Variants in SLC1A2 observed in about 807,000 individuals in gnomAD.
SLC1A2 encodes solute carrier family 1 member 2, also known as excitatory amino acid transporter 2.
In SLC1A2, 15 loss-of-function variants were observed where a neutral mutation model predicts 48.8. That is an observed-to-expected ratio of 0.31 (90% CI 0.21 to 0.47). SLC1A2 has a LOEUF of 0.47. Among genes scored for constraint, SLC1A2 ranks in the 20% least tolerant of loss-of-function variants. The pLI is 0.99. For synonymous variants in SLC1A2, 279 were observed against 272.6 expected, an observed-to-expected ratio of 1.02 and a Z score of -0.23; for missense variants, 502 against 730.5, an observed-to-expected ratio of 0.69 and a Z score of 3.61.
At chr11:35,350,070 C>T (rs1853189373) in intron 1 of SLC1A2, among the ~76,000 whole-genome samples, 1 of 152,168 alleles carries the variant, frequency 6.6e-6, no homozygotes, top group Non-Finnish European at 1.5e-5. Context: ...TGTATGAGAT[C>T]ACCCATACAA....
rs1022089386 is a variant in SLC1A2, at chr11:35,258,592, A to T, written c.*2302T>A. The T allele has an allele frequency of 2.0e-5, 3 of 152,602 alleles. No homozygotes were observed. The highest frequency in any genetic ancestry group is 6.5e-5 in the Admixed American group (1 of 15,276). 9.5% of individuals were successfully genotyped at this position (152,602 alleles called of 1,614,324 possible). The stretch of plus-strand genomic sequence containing the variant: ...ACACCACTTAAAGAAAATCCTAAAC[A>T]GTTTCACAGCTAAACCCAGGAACTG... On this transcript the variant is annotated 3_prime_UTR_variant, in exon 11 of 11. Coordinates refer to ENST00000278379, the MANE Select transcript of SLC1A2 (RefSeq NM_004171.4).
intron 1 of SLC1A2, among the ~76,000 whole-genome samples, chr11:35,389,446 C>CCTT (rs890474501): frequency 2.0e-5 from 3 of 149,646 alleles, no homozygotes; most frequent in Non-Finnish European, 4.5e-5. Flanking sequence ...TTCTTCTTCT[C>CCTT]CTTCTCCTTC....
chr11:35,397,805 T>C (rs1365193883), intron 1 of SLC1A2, among the ~76,000 whole-genome samples: 1 of 152,130 alleles, frequency 6.6e-6, no homozygotes, highest in African/African-American at 2.4e-5. Context: ...GGGCACTCAC[T>C]AGACACCAAA....
intron 1 of SLC1A2, among the ~76,000 whole-genome samples, chr11:35,414,402 C>A (rs564036218): frequency 6.6e-6 from 1 of 152,288 alleles, no homozygotes; most frequent in South Asian, 2.1e-4. Flanking sequence ...TTCTATTCTA[C>A]CGACAAATAT....
chr11:35,401,138 G>T lies in SLC1A2; in HGVS notation c.17+17812C>A, dbSNP rs566498001. On this transcript the variant is annotated intron_variant, in intron 1 of 10. Transcript: ENST00000278379. ...AAGATAAGGGGTTGTGGGGACCAAGGTCCTTATTATGCAGATTAAGTCTCC... is the reference window on the plus strand; with the variant it reads ...AAGATAAGGGGTTGTGGGGACCAAGTTCCTTATTATGCAGATTAAGTCTCC... 4.6e-5 allele frequency among the ~76,000 whole-genome samples: 7 copies of T among 152,282 alleles called. No homozygotes were observed. The South Asian group carries it at 1.4e-3, about 32-fold the overall frequency.
At chr11:35,317,727 A>G (rs1034836216) in intron 1 of SLC1A2, among the ~76,000 whole-genome samples, 5 of 152,176 alleles carry the variant, frequency 3.3e-5, no homozygotes, top group African/African-American at 1.2e-4. Flanking sequence ...GGAAAGGAAC[A>G]CCGCATGCAA....
At chr11:35,288,283 AG>A (rs1416134588) in intron 7 of SLC1A2, among the ~76,000 whole-genome samples, 2 of 152,230 alleles carry the variant, frequency 1.3e-5, no homozygotes, top group African/African-American at 4.8e-5. Context: ...ATTTCAAGTC[AG>A]GGGTCTGTCT....
chr11:35,323,585 T>C (rs921255952), intron 1 of SLC1A2, among the ~76,000 whole-genome samples: 1 of 152,172 alleles, frequency 6.6e-6, no homozygotes, highest in African/African-American at 2.4e-5. Context: ...AGTAGTAGCA[T>C]TCAGTTCTAG....
chr11:35,270,361 T>C (rs2134634882), intron 9 of SLC1A2, among the ~76,000 whole-genome samples: 1 of 152,284 alleles, frequency 6.6e-6, no homozygotes, highest in Non-Finnish European at 1.5e-5. Flanking sequence ...AAGTACTCAT[T>C]GTAGGTTACA....
chr11:35,355,889 CAAAAAA>C (rs34058137), intron 1 of SLC1A2, among the ~76,000 whole-genome samples: 1 of 117,052 alleles, frequency 8.5e-6, no homozygotes, highest in African/African-American at 3.1e-5. Context: ...CATCTCATCT[CAAAAAA>C]AAAAAAAAAA....
chr11:35,301,410 A>G, intron 6 of SLC1A2, 109 bp downstream of exon 6: 1 of 937,404 alleles, frequency 1.1e-6, no homozygotes, highest in Non-Finnish European at 1.6e-6. Flanking sequence ...CTGGAAAGAC[A>G]TTTGATCAGC....
chr11:35,412,510 T>C (rs537081751), intron 1 of SLC1A2, among the ~76,000 whole-genome samples: 3 of 152,312 alleles, frequency 2.0e-5, no homozygotes, highest in Non-Finnish European at 2.9e-5. Context: ...TTTACTGCCA[T>C]CTGTTGGGTG....
chr11:35,286,404 A>C (rs965101503), intron 8 of SLC1A2: 14 of 164,422 alleles, frequency 8.5e-5, no homozygotes, highest in Admixed American at 4.4e-4. Context: ...GGCCTCACTT[A>C]CAGCCATGCT....
intron 1 of SLC1A2, among the ~76,000 whole-genome samples, chr11:35,321,123 G>T (rs1852050855): frequency 6.6e-6 from 1 of 152,070 alleles, no homozygotes; most frequent in South Asian, 2.1e-4. Context: ...AGCAAAAGGG[G>T]GAAAAGCCCC....
chr11:35,396,964 C>T (rs1371928086), intron 1 of SLC1A2, among the ~76,000 whole-genome samples: 48 of 151,024 alleles, frequency 3.2e-4, no homozygotes, highest in African/African-American at 1.0e-3. Flanking sequence ...AGGAATCCAA[C>T]TTACAAGGGA....
intron 1 of SLC1A2, among the ~76,000 whole-genome samples, chr11:35,378,995 G>A (rs751889772): frequency 9.2e-5 from 14 of 152,172 alleles, no homozygotes; most frequent in African/African-American, 1.9e-4. Flanking sequence ...TTGGGAGGCC[G>A]AGGGGGATGG....
At chr11:35,325,964 C>CA (rs35256511) in intron 1 of SLC1A2, among the ~76,000 whole-genome samples, 57,797 of 95,302 alleles carry the variant, frequency 0.61, 16,334 homozygotes, top group East Asian at 0.73. Flanking sequence ...AATTCTATCT[C>CA]AAAAAAAAAA....
At chr11:35,304,659 C>T (rs894481209) in intron 5 of SLC1A2, among the ~76,000 whole-genome samples, 1 of 152,136 alleles carries the variant, frequency 6.6e-6, no homozygotes, top group African/African-American at 2.4e-5. Flanking sequence ...AAAAGATCTG[C>T]TTCTGCTTCT....
intron 1 of SLC1A2, among the ~76,000 whole-genome samples, chr11:35,411,100 T>G (rs2135296752): frequency 6.6e-6 from 1 of 152,372 alleles, no homozygotes; most frequent in African/African-American, 2.4e-5. Flanking sequence ...TAAGATTCTA[T>G]GATGATTTTA....
Sources: allele counts gnomAD v4.1 joint callset (sites outside exome capture counted in the v4.1 genomes callset), GRCh38; gene constraint gnomAD v4.1.1; transcripts MANE v1.5; gene names NCBI Gene and HGNC (gene_info 2026-07-23, HGNC 2026-07-21).